Variants in TENT5D observed in about 807,000 individuals in gnomAD.
TENT5D encodes cancer/testis antigen 112.
For missense variants in TENT5D, 191 were observed against 287.0 expected (o/e 0.67, Z 2.42); for synonymous variants, 103 against 100.6 (o/e 1.02, Z -0.15).
At chrX:80,342,845 C>G (rs1929985681) in intron 3 of TENT5D, among the ~76,000 whole-genome samples, 1 of 111,644 alleles carries the variant, frequency 9.0e-6, no homozygotes, top group African/African-American at 3.2e-5. Flanking sequence ...ATGTGTTTGG[C>G]AAGCATATTC....
chrX:80,401,504 G>A (rs1004533797), intron 3 of TENT5D, among the ~76,000 whole-genome samples: 38 of 111,430 alleles, frequency 3.4e-4, no homozygotes, highest in African/African-American at 1.2e-3. Flanking sequence ...TAAAGAAAAA[G>A]GTTCTACTTT....
At chrX:80,341,953 C>T (rs1295429392) in intron 2 of TENT5D, among the ~76,000 whole-genome samples, 3 of 108,880 alleles carry the variant, frequency 2.8e-5, no homozygotes, top group South Asian at 4.0e-4. Context: ...CCTCGTGATC[C>T]GCCCGCCTCG....
chrX:80,422,610 G>A (rs1414249031), intron 1 of TENT5D, among the ~76,000 whole-genome samples: 1 of 111,787 alleles, frequency 8.9e-6, no homozygotes, highest in African/African-American at 3.3e-5. Context: ...TTTGAGGAGA[G>A]CAGCAGTTGG....
intron 3 of TENT5D, among the ~76,000 whole-genome samples, chrX:80,345,339 C>T (rs1187903407): frequency 8.9e-6 from 1 of 111,780 alleles, no homozygotes; most frequent in African/African-American, 3.2e-5. Flanking sequence ...TTTGTCCTCA[C>T]CTCTTCATCT....
intron 3 of TENT5D, among the ~76,000 whole-genome samples, chrX:80,370,129 A>G (rs1209730267): frequency 2.8e-5 from 3 of 108,727 alleles, no homozygotes; most frequent in East Asian, 5.8e-4. Context: ...TTTGGTAGAG[A>G]TAGAGTCTCA....
At chrX:80,412,767 G>T (rs1434716673) in intron 3 of TENT5D, among the ~76,000 whole-genome samples, 1 of 110,919 alleles carries the variant, frequency 9.0e-6, no homozygotes, top group Non-Finnish European at 1.9e-5. Flanking sequence ...CAGCATTTTT[G>T]TCATAATTAA....
chrX:80,402,597 C>A (rs1379039432), intron 3 of TENT5D, among the ~76,000 whole-genome samples: 1 of 111,869 alleles, frequency 8.9e-6, no homozygotes, highest in Non-Finnish European at 1.9e-5. Flanking sequence ...TTTCCATTTT[C>A]ATTTGTCTCC....
chrX:80,438,492 GTA>G (rs1162434041), intron 1 of TENT5D, 116 bp from the exon 2 acceptor site: 3 of 109,082 alleles, frequency 2.8e-5, no homozygotes, highest in South Asian at 4.0e-4. Flanking sequence ...GTGTGTGTAT[GTA>G]TGTATGTATG....
At chrX:80,369,197 T>C (rs1381922237) in intron 3 of TENT5D, among the ~76,000 whole-genome samples, 2 of 112,159 alleles carry the variant, frequency 1.8e-5, no homozygotes, top group African/African-American at 3.2e-5. Context: ...ATTTCACTTA[T>C]GTTAGACACA....
At chrX:80,363,611 G>C (rs1272761926) in intron 3 of TENT5D, among the ~76,000 whole-genome samples, 1 of 112,005 alleles carries the variant, frequency 8.9e-6, no homozygotes, top group Non-Finnish European at 1.9e-5. Flanking sequence ...TCGAAACACT[G>C]TTCTTTATGA....
intron 3 of TENT5D, among the ~76,000 whole-genome samples, chrX:80,390,386 G>A (rs929870999): frequency 8.9e-6 from 1 of 111,765 alleles, no homozygotes; most frequent in Non-Finnish European, 1.9e-5. Context: ...TATAAGCATA[G>A]TAGTGTTATT....
Position 80,362,454 on chromosome X carries a change from T to G in TENT5D, c.-142+19890T>G, listed in dbSNP as rs182773221. On this transcript the variant is annotated intron_variant, in intron 3 of 4. Coordinates refer to the TENT5D transcript ENST00000538312. ...CTGGGATTACAGGCATGAGCCACCGTGCCCGGCTGATTTTCATTTTTTATG... is the reference window on the plus strand; with the variant it reads ...CTGGGATTACAGGCATGAGCCACCGGGCCCGGCTGATTTTCATTTTTTATG... Among the ~76,000 whole-genome samples the G allele has an allele frequency of 1.1e-3, 129 of 112,383 alleles. No individual in the cohort carries two copies. In the Middle Eastern group the frequency reaches 0.018, roughly 16 times the overall value.
intron 3 of TENT5D, among the ~76,000 whole-genome samples, chrX:80,349,309 T>C (rs1930127246): frequency 8.9e-6 from 1 of 111,751 alleles, no homozygotes; most frequent in South Asian, 3.7e-4. Context: ...TGGTTGGTAG[T>C]CTGTTAATTA....
chrX:80,362,628 T>C (rs1284556717), intron 3 of TENT5D, among the ~76,000 whole-genome samples: 2 of 111,560 alleles, frequency 1.8e-5, no homozygotes, highest in Non-Finnish European at 3.8e-5. Flanking sequence ...TCCATTTTTT[T>C]CCCGCTTAAT....
At chrX:80,376,865 C>T (rs1214748746) in intron 3 of TENT5D, among the ~76,000 whole-genome samples, 2 of 111,014 alleles carry the variant, frequency 1.8e-5, no homozygotes, top group African/African-American at 6.5e-5. Context: ...AAATATTTAA[C>T]AGTTTACTTC....
chrX:80,342,264 A>T (rs992014425), intron 2 of TENT5D, among the ~76,000 whole-genome samples: 3 of 111,672 alleles, frequency 2.7e-5, no homozygotes, highest in African/African-American at 9.8e-5. Context: ...TTACATTAAG[A>T]TGTTCACTTT....
chrX:80,339,549 T>C (rs752515282), intron 2 of TENT5D, among the ~76,000 whole-genome samples: 2 of 110,645 alleles, frequency 1.8e-5, no homozygotes, highest in East Asian at 5.7e-4. Context: ...AAAGCACTAT[T>C]AAGAGAAGCA....
intron 2 of TENT5D, among the ~76,000 whole-genome samples, chrX:80,439,984 T>C (rs1479559694): frequency 1.8e-5 from 2 of 111,107 alleles, no homozygotes; most frequent in Admixed American, 9.6e-5. Context: ...TTCATAGTTA[T>C]GGCTAGAGAA....
chrX:80,408,640 T>C (rs1040137122), intron 3 of TENT5D, among the ~76,000 whole-genome samples: 1 of 110,630 alleles, frequency 9.0e-6, no homozygotes, highest in Non-Finnish European at 1.9e-5. Context: ...CAGGACCAGA[T>C]GGATTCACAG....
Sources: allele counts gnomAD v4.1 joint callset (sites outside exome capture counted in the v4.1 genomes callset), GRCh38; gene constraint gnomAD v4.1.1; transcripts MANE v1.5; gene names NCBI Gene and HGNC (gene_info 2026-07-23, HGNC 2026-07-21).